Variants in IL1RAP observed in about 807,000 individuals in gnomAD.
IL1RAP encodes interleukin-1 receptor accessory protein.
In IL1RAP, 35 loss-of-function variants were observed where a neutral mutation model predicts 60.7. That is an observed-to-expected ratio of 0.58 (90% CI 0.44 to 0.76). IL1RAP has a LOEUF of 0.76. Ranked by LOEUF, IL1RAP falls within the 30% of genes least tolerant of loss-of-function variation. IL1RAP has a pLI of 0.00. For synonymous variants in IL1RAP, 268 were observed against 250.9 expected (o/e 1.07, Z -0.64); for missense variants, 572 against 693.9 (o/e 0.82, Z 1.97).
At chr3:190,636,299 G>A (rs1287175151) in intron 9 of IL1RAP, among the ~76,000 whole-genome samples, 1 of 152,144 alleles carries the variant, frequency 6.6e-6, no homozygotes, top group African/African-American at 2.4e-5. Context: ...TATTAAAAGA[G>A]AGAATGGTGT....
chr3:190,590,260 T>C lies in IL1RAP; in HGVS notation c.65-13868T>C, dbSNP rs190686271. Among the ~76,000 whole-genome samples the C allele has an allele frequency of 1.8e-3, 270 of 151,284 alleles. 1 individual carries two copies. The highest frequency in any genetic ancestry group is 6.0e-3 in the African/African-American group (249 of 41,378). ...TGTGGACAGGATTCTTCTTCTTCTT[T>C]TTTTTTTTTTGGTGAGACGGAGTCT... On this transcript the variant is annotated intron_variant, in intron 3 of 11. Transcript: ENST00000447382.
intron 1 of IL1RAP, among the ~76,000 whole-genome samples, chr3:190,520,885 C>T (rs1393174402): frequency 6.6e-6 from 1 of 152,140 alleles, no homozygotes; most frequent in African/African-American, 2.4e-5. Flanking sequence ...TCGTTGATAG[C>T]AGTTTCTTAA....
At chr3:190,574,149 C>T (rs144217768) in intron 3 of IL1RAP, among the ~76,000 whole-genome samples, 5 of 151,494 alleles carry the variant, frequency 3.3e-5, no homozygotes, top group East Asian at 3.9e-4. Context: ...ATTGATGATA[C>T]GGAACACACA....
At chr3:190,523,537 A>G (rs1038091282) in intron 1 of IL1RAP, among the ~76,000 whole-genome samples, 2 of 151,840 alleles carry the variant, frequency 1.3e-5, no homozygotes, top group African/African-American at 2.4e-5. Flanking sequence ...TCACCCTCCA[A>G]TGGGCCCCAG....
chr3:190,644,526 C>T, intron 10 of IL1RAP, 129 bp downstream of exon 10: 1 of 710,518 alleles, frequency 1.4e-6, no homozygotes, highest in Non-Finnish European at 2.3e-6. Flanking sequence ...AGCAGATTAA[C>T]TTTAATTTCA....
intron 5 of IL1RAP, among the ~76,000 whole-genome samples, chr3:190,616,318 C>G (rs1436677068): frequency 6.6e-6 from 1 of 152,130 alleles, no homozygotes; most frequent in Non-Finnish European, 1.5e-5. Flanking sequence ...ATACCAAGCA[C>G]ACAGCATAAA....
intron 9 of IL1RAP, among the ~76,000 whole-genome samples, chr3:190,632,942 GT>G (rs2108827834): frequency 6.6e-6 from 1 of 152,244 alleles, no homozygotes; most frequent in African/African-American, 2.4e-5. Context: ...CTGTTCATCT[GT>G]TTATCTATCT....
At chr3:190,541,296 G>A (rs1400013464) in intron 1 of IL1RAP, among the ~76,000 whole-genome samples, 2 of 151,990 alleles carry the variant, frequency 1.3e-5, no homozygotes, top group Non-Finnish European at 2.9e-5. Flanking sequence ...GCCTTCAAAA[G>A]GATTTATATA....
downstream of IL1RAP, among the ~76,000 whole-genome samples, chr3:190,652,259 C>T (rs1435352568): frequency 6.6e-6 from 1 of 151,622 alleles, no homozygotes; most frequent in Non-Finnish European, 1.5e-5. Context: ...GTCAGGAGAT[C>T]GAGACCATCC....
chr3:190,618,093 T>C (rs996755678), intron 5 of IL1RAP, among the ~76,000 whole-genome samples: 3 of 152,206 alleles, frequency 2.0e-5, no homozygotes, highest in Admixed American at 1.3e-4. Flanking sequence ...ACATCACGCT[T>C]TTCACTCAGG....
At chr3:190,632,268 C>G (rs1353528898) in intron 9 of IL1RAP, among the ~76,000 whole-genome samples, 2 of 152,190 alleles carry the variant, frequency 1.3e-5, no homozygotes, top group African/African-American at 4.8e-5. Context: ...TTGGAGCTGT[C>G]AAACTTTCAA....
Position 190,650,758 on chromosome 3 carries a change from C to A in IL1RAP, c.*2053C>A. 2 of 981,332 alleles carry A rather than the reference C, an allele frequency of 2.0e-6. No individual in the cohort carries two copies. The highest frequency in any genetic ancestry group is 3.6e-5 in the African/African-American group (2 of 56,202). The allele number at this position is 981,332 out of a possible 1,614,324, so 60.8% of individuals were successfully genotyped here. On this transcript the variant is annotated 3_prime_UTR_variant, in exon 12 of 12. Transcript: ENST00000447382. ...TCCCTATTAGAAACCACAATTACTC[C>A]CTCTATTAACCCTTCACTTACTAGA...
rs1725802478 is a variant in IL1RAP at position 190,560,611 on chromosome 3, G to A, written c.-1-3678G>A. Among the ~76,000 whole-genome samples, 2 of 152,172 alleles carry A rather than the reference G, an allele frequency of 1.3e-5. 1 individual carries two copies. The highest frequency in any genetic ancestry group is 4.1e-4 in the South Asian group (2 of 4,834). On this transcript the variant is annotated intron_variant, in intron 2 of 11. Coordinates refer to ENST00000447382, the MANE Select transcript of IL1RAP (RefSeq NM_002182.4). Reference sequence around the variant, plus strand: ...CAGTCCTGTGATCTGGTGAAGTGCTGCTGAGCGGAAGGCAGGCAGAACAAA... The same window carrying A: ...CAGTCCTGTGATCTGGTGAAGTGCTACTGAGCGGAAGGCAGGCAGAACAAA...
chr3:190,579,833 T>C (rs960429744), intron 3 of IL1RAP, among the ~76,000 whole-genome samples: 6 of 152,218 alleles, frequency 3.9e-5, no homozygotes, highest in Non-Finnish European at 8.8e-5. Flanking sequence ...GATGATATTA[T>C]ATGTGGCATA....
intron 3 of IL1RAP, among the ~76,000 whole-genome samples, chr3:190,570,895 A>AT (rs1726863461): frequency 6.6e-6 from 1 of 152,116 alleles, no homozygotes; most frequent in African/African-American, 2.4e-5. Context: ...AGTAGTGTTC[A>AT]TTTTGATATG....
In IL1RAP at chr3:190,632,478, A is replaced by G. The variant is rs1037053167; in HGVS notation, c.1051+2980A>G. ...TTTTAAATTTAATGTATGTTAGGAT[A>G]TAGACACAGACGCATATATATCTCA... On this transcript the variant is annotated intron_variant, in intron 9 of 11. Transcript: ENST00000447382. 5.3e-5 allele frequency among the ~76,000 whole-genome samples: 8 copies of G among 152,242 alleles called. No homozygotes were observed. The East Asian group carries it at 1.3e-3, about 26-fold the overall frequency.
In IL1RAP at chr3:190,629,405, A is replaced by G. The variant is rs768015847; in HGVS notation, c.958A>G (p.Lys320Glu). The change falls in exon 9 of 12, where the codon AAA (lysine) becomes GAA (glutamate). Residue 320 changes from lysine to glutamate, a missense_variant. Physicochemically the swap from Lys to Glu is moderately conservative, Grantham distance 56. Transcript: ENST00000447382. ...AAGAACTCAGATTTTGAGCATCAAG[A>G]AAGTTACCTCTGAGGATCTCAAGCG... is the stretch of plus-strand genomic sequence containing the variant. ...ETRTQILSIK[K>E]VTSEDLKRSY... The G allele has an allele frequency of 1.9e-6, 3 of 1,613,802 alleles. No homozygotes were observed. The highest frequency in any genetic ancestry group is 2.5e-6 in the Non-Finnish European group (3 of 1,179,864).
intron 2 of IL1RAP, among the ~76,000 whole-genome samples, chr3:190,560,894 GAT>G (rs1451327969): frequency 6.6e-6 from 1 of 152,178 alleles, no homozygotes; most frequent in Non-Finnish European, 1.5e-5. Context: ...CTTGCTAAAT[GAT>G]ATAGTCATTA....
chr3:190,638,893 C>T (rs1056515002), intron 9 of IL1RAP, among the ~76,000 whole-genome samples: 1 of 152,016 alleles, frequency 6.6e-6, no homozygotes, highest in Non-Finnish European at 1.5e-5. Context: ...GAAAGTGTAT[C>T]TATTTCTTTT....
Sources: gnomAD v4.1 joint callset for allele counts (sites outside exome capture counted in the v4.1 genomes callset) on GRCh38, gnomAD v4.1.1 for gene constraint, MANE v1.5 for transcripts, NCBI Gene and HGNC (gene_info 2026-07-23, HGNC 2026-07-21) for gene names.